MDN1: variants seen among roughly 807,000 people sequenced by gnomAD.
MDN1 encodes the protein midasin AAA ATPase 1, also known as midasin.
Under a neutral mutation model 669.2 loss-of-function variants are expected in MDN1, and 266 were observed. The observed-to-expected ratio is 0.40, with a 90% confidence interval of 0.36 to 0.44. The LOEUF is 0.44. Ranked by LOEUF, MDN1 falls within the 20% of genes least tolerant of loss-of-function variation. MDN1 has a pLI of 1.00. For missense variants in MDN1, 5,940 were observed against 6,754.0 expected (o/e 0.88, Z 4.22); for synonymous variants, 2,385 against 2,457.1 (o/e 0.97, Z 0.87).
At position 89,710,695 on chromosome 6, in the gene MDN1, T is replaced by C. The variant is rs1312343269; in HGVS notation, c.7751A>G (p.Gln2584Arg). The C allele has an allele frequency of 6.3e-7, 1 of 1,581,208 alleles. No individual in the cohort carries two copies. Among genetic ancestry groups the C allele is most frequent in the East Asian group, 2.3e-5 (1 of 43,680 alleles). Residue 2584 changes from glutamine (Q) to arginine (R), a missense_variant, in exon 50 of 102, where the codon CAA (glutamine) becomes CGA (arginine). Around this residue, in one of 5 missense-constraint regions of MDN1, gnomAD observed 2,292 missense variants for 2,638.3 expected, o/e 0.87. Transcript: ENST00000369393. ...AAAGTGCATACCTGTTGTATTTGGT[T>C]GTAATATTTTGAAAACATTACTGAC... The part of the protein sequence containing the change: ...GAVSNVFKIL[Q>R]PNTTDEFVIP...
At position 89,661,350 on chromosome 6, in the gene MDN1, T is replaced by C. The variant is rs948960719; in HGVS notation, c.14713+81A>G. 10 of 1,488,890 alleles carry C rather than the reference T, an allele frequency of 6.7e-6. No homozygotes were observed. In the African/African-American group the frequency reaches 1.4e-4, roughly 21 times the overall value. 92.2% of individuals were successfully genotyped at this position (1,488,890 alleles called of 1,614,324 possible). The stretch of plus-strand genomic sequence containing the variant: ...GTGATTTATCACCTGGCCATGACAC[T>C]GAGCTAGCTTTCAAAAGAGAAATCA... On this transcript the variant is annotated intron_variant, in intron 88 of 101. Coordinates refer to ENST00000369393, the MANE Select transcript of MDN1 (RefSeq NM_014611.3).
intron 1 of MDN1, among the ~76,000 whole-genome samples, chr6:89,812,253 G>C (rs947483971): frequency 6.6e-6 from 1 of 151,324 alleles, no homozygotes; most frequent in African/African-American, 2.4e-5. Context: ...TAAAGTGCTG[G>C]GATTACAGGC....
chr6:89,766,963 G>A (rs780033287), intron 15 of MDN1, among the ~76,000 whole-genome samples: 5 of 151,854 alleles, frequency 3.3e-5, no homozygotes, highest in Non-Finnish European at 5.9e-5. Context: ...CAGGGTAACC[G>A]GTCCTTCTCA....
rs1047686810 is a variant in MDN1 at position 89,648,153 on chromosome 6, G to A, written c.16281-7C>T. On this transcript the variant is annotated splice_polypyrimidine_tract_variant and splice_region_variant and intron_variant, in intron 98 of 101. Transcript: ENST00000369393. Reference sequence around the variant, plus strand: ...CTTTACAGATTCTCCAAAACTTGGGGGAGGAAAACCAAATACAACAGGAGT... The same window carrying A: ...CTTTACAGATTCTCCAAAACTTGGGAGAGGAAAACCAAATACAACAGGAGT... The A allele has an allele frequency of 1.9e-6, 3 of 1,611,592 alleles. No homozygotes were observed. The highest frequency in any genetic ancestry group is 2.5e-6 in the Non-Finnish European group (3 of 1,177,744).
At chr6:89,664,884 T>TGTCTTTGTAGG (rs1810074653) in intron 84 of MDN1, among the ~76,000 whole-genome samples, 1 of 152,222 alleles carries the variant, frequency 6.6e-6, no homozygotes, top group African/African-American at 2.4e-5. Flanking sequence ...TTTGCAAGAA[T>TGTCTTTGTAGG]ATATATTCTT....
intron 1 of MDN1, among the ~76,000 whole-genome samples, chr6:89,805,077 A>AAAG (rs1487884848): frequency 1.3e-5 from 2 of 150,208 alleles, no homozygotes; most frequent in Non-Finnish European, 3.0e-5. Context: ...GCCCGGGTTC[A>AAAG]GAATGCAGGT....
At chr6:89,693,176 A>T in intron 62 of MDN1, 28 bp from the exon 63 acceptor site, 1 of 1,477,640 alleles carries the variant, frequency 6.8e-7, no homozygotes, top group South Asian at 1.3e-5. Flanking sequence ...CAATATGCCA[A>T]TTATGTCAGA....
chr6:89,706,663 G>A (rs1321111188), intron 52 of MDN1, among the ~76,000 whole-genome samples: 3 of 151,988 alleles, frequency 2.0e-5, no homozygotes, highest in East Asian at 1.9e-4. Context: ...TGTTCAATCT[G>A]TATTATTAAA....
chr6:89,687,227 TAA>T, intron 68 of MDN1, 115 bp downstream of exon 68: 1 of 1,171,902 alleles, frequency 8.5e-7, no homozygotes, highest in South Asian at 1.5e-5. Flanking sequence ...CTGTGATTAA[TAA>T]CTGAAAAGCA....
In MDN1 at chr6:89,658,265, T is replaced by G; in HGVS notation, c.15127A>C (p.Asn5043His). Reference protein sequence around the residue: ...CGQTGVENMQNTQAMELAGAA... With the variant: ...CGQTGVENMQHTQAMELAGAA... The stretch of plus-strand genomic sequence containing the variant: ...CCAGCCAGCTCCATGGCCTGTGTGT[T>G]CTGCATGTTCTCCACACCAGTCTGC... The change falls in exon 90 of 102, where the codon AAC (asparagine) becomes CAC (histidine). Residue 5043 changes from asparagine to histidine, a missense_variant. Around this residue, in one of 5 missense-constraint regions of MDN1, gnomAD observed 2,280 missense variants for 2,576.3 expected, o/e 0.88. Transcript: ENST00000369393. The G allele has an allele frequency of 6.2e-7, 1 of 1,614,228 alleles. No individual in the cohort carries two copies. The highest frequency in any genetic ancestry group is 2.2e-5 in the East Asian group (1 of 44,878).
chr6:89,763,009 G>T (rs372756011), intron 15 of MDN1, among the ~76,000 whole-genome samples: 1 of 152,022 alleles, frequency 6.6e-6, no homozygotes, highest in African/African-American at 2.4e-5. Flanking sequence ...CCAAGAACAC[G>T]CCACTGCCAC....
chr6:89,649,076 G>A (rs1234393061), intron 97 of MDN1, among the ~76,000 whole-genome samples: 4 of 151,374 alleles, frequency 2.6e-5, no homozygotes, highest in African/African-American at 4.9e-5. Context: ...TACATGAAGA[G>A]TAACCTCTTG....
At position 89,745,566 on chromosome 6, in the gene MDN1, A is replaced by C. The variant is rs1487376421; in HGVS notation, c.3965T>G (p.Val1322Gly). ...TTTTTTCTTGAAATGTTTCTCAAGGACTTCTTGAATCACATCAATTTCCTC... is the reference window on the plus strand; with the variant it reads ...TTTTTTCTTGAAATGTTTCTCAAGGCCTTCTTGAATCACATCAATTTCCTC... The part of the protein sequence containing the change: ...KQEEIDVIQE[V>G]LEKHFKKKLC... Residue 1322 changes from valine to glycine, a missense_variant, in exon 28 of 102, where the codon GTC (valine) becomes GGC (glycine). Around this residue, in one of 5 missense-constraint regions of MDN1, gnomAD observed 2,292 missense variants for 2,638.3 expected, o/e 0.87. Coordinates refer to ENST00000369393, the MANE Select transcript of MDN1 (RefSeq NM_014611.3). 6.2e-7 allele frequency: 1 copy of C among 1,614,072 alleles called. No individual in the cohort carries two copies.
rs145279267 is a variant in MDN1, at chr6:89,741,764, T to G, written c.4448+1386A>C. ...AAAAAGATAGCTCAACTTCCTGTGATTTCAACCCTGTCCCAACAGCATTCC... is the reference window on the plus strand; with the variant it reads ...AAAAAGATAGCTCAACTTCCTGTGAGTTCAACCCTGTCCCAACAGCATTCC... On this transcript the variant is annotated intron_variant, in intron 31 of 101. Transcript: ENST00000369393. Among the ~76,000 whole-genome samples the G allele has an allele frequency of 2.1e-3, 327 of 152,246 alleles. 1 individual carries two copies. The highest frequency in any genetic ancestry group is 7.6e-3 in the African/African-American group (314 of 41,538).
intron 74 of MDN1, among the ~76,000 whole-genome samples, 182 bp downstream of exon 74, chr6:89,680,407 G>T (rs1279299743): frequency 6.6e-6 from 1 of 152,214 alleles, no homozygotes; most frequent in Non-Finnish European, 1.5e-5. Context: ...AATTATGATT[G>T]TGTGTTCTCA....
chr6:89,802,547 G>A (rs1767735187), intron 2 of MDN1, among the ~76,000 whole-genome samples: 2 of 152,058 alleles, frequency 1.3e-5, no homozygotes, highest in South Asian at 4.1e-4. Context: ...GCTGGGCGTG[G>A]TGGTGTGCGC....
intron 27 of MDN1, among the ~76,000 whole-genome samples, chr6:89,746,611 A>AAAAAAAAAAAAG (rs1554191094): frequency 2.5e-5 from 1 of 40,532 alleles, no homozygotes; most frequent in Non-Finnish European, 4.9e-5. Flanking sequence ...AAAAAAAAAA[A>AAAAAAAAAAAAG]AAAGAAAGAA....
At chr6:89,686,088 T>C in intron 69 of MDN1, 115 bp from the exon 70 acceptor site, 1 of 998,734 alleles carries the variant, frequency 1.0e-6, no homozygotes, top group Non-Finnish European at 1.4e-6. Context: ...GACATCACAA[T>C]GTGAAGCTCT....
rs1261687748 is a variant in MDN1, at chr6:89,674,262, A to G, written c.13089T>C (p.Pro4363=). ...PSNLSYPSPI[P]GSQLPSGCRM... is the part of the protein sequence containing the mutation. ...GGCAACCAGAGGGCAGCTGACTTCC[A>G]GGTATTGGAGATGGGTAGCTCAGAT... is the stretch of plus-strand genomic sequence containing the variant. The change falls in exon 79 of 102, where the codon CCT becomes CCC. Residue 4363 remains proline (P), a synonymous_variant. Transcript: ENST00000369393. 2 of 1,614,212 alleles carry G rather than the reference A, an allele frequency of 1.2e-6. No individual in the cohort carries two copies. The highest frequency in any genetic ancestry group is 2.2e-5 in the East Asian group (1 of 44,882).
Sources: allele counts gnomAD v4.1 joint callset (sites outside exome capture counted in the v4.1 genomes callset), GRCh38; gene constraint gnomAD v4.1.1; regional missense constraint gnomAD v4.1.1; transcripts MANE v1.5; gene names NCBI Gene and HGNC (gene_info 2026-07-23, HGNC 2026-07-21).